Variants in MYH7B observed in about 807,000 individuals in gnomAD.
The protein encoded by MYH7B is myosin-7B.
MYH7B carries 205 observed loss-of-function variants against 234.5 expected under a neutral mutation model. That is an observed-to-expected ratio of 0.87 (90% CI 0.78 to 0.98). The LOEUF (loss-of-function observed/expected upper bound fraction) is 0.98, where lower values mean the gene tolerates loss of function less well. Among genes scored for constraint, MYH7B ranks in the 50% least tolerant of loss-of-function variants. The probability of loss-of-function intolerance (pLI) is 0.00; values close to 1 mark genes in which losing one functional copy is unlikely to be tolerated. For synonymous variants in MYH7B, 1,193 were observed against 1,105.0 expected (o/e 1.08, Z -1.58); for missense variants, 2,652 against 2,633.4 (o/e 1.01, Z -0.15).
chr20:35,001,431 G>A, exon 43 of MYH7B: 2 of 1,598,676 alleles, frequency 1.3e-6, no homozygotes, highest in Non-Finnish European at 1.7e-6. Context: ...GCCCGCCCAG[G>A]CCGAGGAGGA....
intron 19 of MYH7B, 150 bp downstream of exon 19, chr20:34,988,412 G>C (rs1242265661): frequency 1.1e-6 from 1 of 919,236 alleles, no homozygotes; most frequent in Non-Finnish European, 1.6e-6. Flanking sequence ...GAGTGTAGTT[G>C]TGACAGCGTT....
chr20:34,999,696 G>A lies in MYH7B; in HGVS notation c.4665+1G>A, dbSNP rs1448107368. ...CCAGGCTGCACTGGAGGAGGCAGAGGTCAGGGGCTGGCTGCAGGGGTGGGT... is the reference window on the plus strand; with the variant it reads ...CCAGGCTGCACTGGAGGAGGCAGAGATCAGGGGCTGGCTGCAGGGGTGGGT... On this transcript the variant is annotated splice_donor_variant, in intron 37 of 44. Transcript: ENST00000262873. LOFTEE classifies it high-confidence loss of function. The A allele has an allele frequency of 3.5e-5, 56 of 1,613,072 alleles. No individual in the cohort carries two copies. The highest frequency in any genetic ancestry group is 4.7e-5 in the Non-Finnish European group (56 of 1,179,676).
chr20:34,983,856 C>T (rs2081977219), intron 10 of MYH7B, among the ~76,000 whole-genome samples: 2 of 152,214 alleles, frequency 1.3e-5, no homozygotes. Context: ...TATCTGTTCC[C>T]TCCAGAATCC....
intron 43 of MYH7B, 76 bp downstream of exon 43, chr20:35,001,602 C>A: frequency 7.8e-7 from 1 of 1,289,156 alleles, no homozygotes; most frequent in Non-Finnish European, 1.1e-6. Flanking sequence ...GGTGAGGCAT[C>A]AGCAGCAGCT....
chr20:35,000,408 GAGCTGC>G, exon 39 of MYH7B: 1 of 1,600,828 alleles, frequency 6.2e-7, no homozygotes, highest in Non-Finnish European at 8.5e-7. Context: ...CAACGACCTG[GAGCTGC>G]AGCTGGGCCA....
exon 33 of MYH7B, chr20:34,998,399 T>C (rs969395460): frequency 6.2e-7 from 1 of 1,613,206 alleles, no homozygotes; most frequent in Non-Finnish European, 8.5e-7. Context: ...GCACGCAGCG[T>C]GGGCGACTAC....
At chr20:35,001,103 C>T (rs796863577) in exon 41 of MYH7B, 21 of 1,613,770 alleles carry the variant, frequency 1.3e-5, no homozygotes, top group Admixed American at 6.7e-5. Flanking sequence ...CTTGAGGAGG[C>T]AGAACAGGCC....
intron 23 of MYH7B, 44 bp downstream of exon 23, chr20:34,990,869 G>A: frequency 6.2e-7 from 1 of 1,608,220 alleles, no homozygotes; most frequent in Non-Finnish European, 8.5e-7. Flanking sequence ...GAGGCATCAT[G>A]GGAAGGTGAC....
At chr20:34,964,447 C>T (rs765413657) in intron 2 of MYH7B, among the ~76,000 whole-genome samples, 1 of 152,130 alleles carries the variant, frequency 6.6e-6, no homozygotes, top group Non-Finnish European at 1.5e-5. Flanking sequence ...TGTAGGGACA[C>T]CGTGGAGCTA....
chr20:34,988,312 A>G, intron 19 of MYH7B, 50 bp downstream of exon 19: 1 of 1,576,738 alleles, frequency 6.3e-7, no homozygotes, highest in Non-Finnish European at 8.6e-7. Flanking sequence ...GTGTGTGGTG[A>G]GCAAGCAGGG....
At chr20:34,990,711 C>G in intron 22 of MYH7B, 27 bp from the exon 23 acceptor site, 1 of 1,611,568 alleles carries the variant, frequency 6.2e-7, no homozygotes, top group East Asian at 2.2e-5. Context: ...CCCTTTGTGC[C>G]TTTCCCTCAC....
At chr20:34,979,664 C>G in exon 7 of MYH7B, 1 of 1,614,146 alleles carries the variant, frequency 6.2e-7, no homozygotes, top group Admixed American at 1.7e-5. Flanking sequence ...CTGGTAGGTG[C>G]TGATGGTGCG....
In MYH7B at chr20:34,997,606, TG is replaced by T; in HGVS notation, c.3715del (p.Ala1239LeufsTer7). On this transcript the variant is annotated frameshift_variant, in exon 32 of 45. Transcript: ENST00000262873. LOFTEE classifies it high-confidence loss of function. ...GAGCTGCGCATGGAGGTGGACGACC[TG>T]GCTGCCAACGTGGAGACTCTGACCC... The T allele has an allele frequency of 6.2e-7, 1 of 1,613,674 alleles. No homozygotes were observed. Among genetic ancestry groups the T allele is most frequent in the Non-Finnish European group, 8.5e-7 (1 of 1,179,752 alleles).
chr20:34,983,621 G>A (rs2081974049), intron 10 of MYH7B, among the ~76,000 whole-genome samples: 1 of 152,088 alleles, frequency 6.6e-6, no homozygotes, highest in Non-Finnish European at 1.5e-5. Flanking sequence ...GGGAGGGGTG[G>A]GAGAGGCTGC....
At chr20:34,994,442 C>T (rs368355322) in intron 27 of MYH7B, 41 bp downstream of exon 27, 141 of 1,531,072 alleles carry the variant, frequency 9.2e-5, no homozygotes, top group Non-Finnish European at 4.9e-5. Context: ...TCCCCAGCCC[C>T]GAGTACCCCT....
chr20:34,982,688 C>T, intron 10 of MYH7B, 133 bp downstream of exon 10: 1 of 773,762 alleles, frequency 1.3e-6, no homozygotes, highest in Non-Finnish European at 2.0e-6. Context: ...CTGAGCCTCC[C>T]ACCCTGGTGG....
chr20:34,984,175 A>G (rs1437053469), intron 10 of MYH7B, among the ~76,000 whole-genome samples: 1 of 152,244 alleles, frequency 6.6e-6, no homozygotes, highest in African/African-American at 2.4e-5. Flanking sequence ...CTTTGTGCGC[A>G]CTGGTAGGTA....
intron 2 of MYH7B, among the ~76,000 whole-genome samples, chr20:34,966,081 G>T (rs573008174): frequency 3.3e-5 from 5 of 152,220 alleles, no homozygotes; most frequent in African/African-American, 1.2e-4. Flanking sequence ...AGAGGGTCGG[G>T]GGGTGGGGAG....
intron 2 of MYH7B, among the ~76,000 whole-genome samples, chr20:34,966,796 C>A (rs1254055856): frequency 6.6e-6 from 1 of 152,124 alleles, no homozygotes; most frequent in East Asian, 1.9e-4. Context: ...CATGGTGAGG[C>A]ACGCCTATAG....
Sources: gnomAD v4.1 joint callset for allele counts (sites outside exome capture counted in the v4.1 genomes callset) on GRCh38, gnomAD v4.1.1 for gene constraint, MANE v1.5 for transcripts, NCBI Gene and HGNC (gene_info 2026-07-23, HGNC 2026-07-21) for gene names.